Variants in CARS1 observed in about 807,000 individuals in gnomAD.
CARS1 encodes cysteinyl-tRNA synthetase 1.
In CARS1, 48 loss-of-function variants were observed where a neutral mutation model predicts 106.2. The ratio of observed to expected loss-of-function variants is 0.45; its 90% CI spans 0.36 to 0.57. The LOEUF is 0.57. CARS1 is among the 20% of genes least tolerant of loss of function. The pLI is 0.00. For synonymous variants in CARS1, 409 were observed against 403.4 expected (o/e 1.01, Z -0.17); for missense variants, 968 against 1,057.2 (o/e 0.92, Z 1.17).
chr11:3,049,880 G>A (rs1029671430), intron 1 of CARS1, among the ~76,000 whole-genome samples: 10 of 152,124 alleles, frequency 6.6e-5, no homozygotes, highest in East Asian at 1.9e-4. Flanking sequence ...AGTGTGTTGC[G>A]GGGGTAACTG....
chr11:3,042,944 G>GAAGT (rs66992821), intron 2 of CARS1, among the ~76,000 whole-genome samples: 121,658 of 151,708 alleles, frequency 0.8, 48,905 homozygotes, highest in East Asian at 0.86. Flanking sequence ...GGACACTGCA[G>GAAGT]GAGTGGCTGG....
At position 3,028,881 on chromosome 11, in the gene CARS1, G is replaced by C; in HGVS notation, c.1031+115C>G. The stretch of plus-strand genomic sequence containing the variant: ...GAAGTCTGCTGGGACTTCTAGCTAC[G>C]CAGCCCCAGAACACCTGCTCCTCTG... On this transcript the variant is annotated intron_variant, in intron 9 of 22. Coordinates refer to ENST00000380525, the MANE Select transcript of CARS1 (RefSeq NM_001014437.3). The surrounding 1 kb of genome is among the most constrained non-coding windows in gnomAD (Gnocchi z 4.4). The C allele has an allele frequency of 1.3e-6, 1 of 752,778 alleles. No homozygotes were observed. The highest frequency in any genetic ancestry group is 2.3e-6 in the Non-Finnish European group (1 of 428,038). 46.6% of individuals were successfully genotyped at this position (752,778 alleles called of 1,614,324 possible).
chr11:3,018,056 C>T, intron 14 of CARS1, 102 bp from the exon 15 acceptor site: 1 of 739,024 alleles, frequency 1.4e-6, no homozygotes, highest in South Asian at 1.7e-5. Flanking sequence ...TGGTAAAAAT[C>T]TGAAAGACCA....
At chr11:3,036,057 T>A (rs773941359) in intron 7 of CARS1, among the ~76,000 whole-genome samples, 1 of 152,230 alleles carries the variant, frequency 6.6e-6, no homozygotes. Context: ...AGGGTGCCTA[T>A]GTGATGGGCT....
chr11:3,032,897 G>A (rs1314303599), intron 7 of CARS1, among the ~76,000 whole-genome samples: 1 of 151,366 alleles, frequency 6.6e-6, no homozygotes, highest in Non-Finnish European at 1.5e-5. Flanking sequence ...GTAAACCACG[G>A]ACTCAGGGTA....
Position 3,017,716 on chromosome 11 carries a change from T to C in CARS1, c.1727+141A>G. The C allele has an allele frequency of 1.6e-6, 1 of 627,374 alleles. No individual in the cohort carries two copies. Among genetic ancestry groups the C allele is most frequent in the Non-Finnish European group, 2.9e-6 (1 of 350,480 alleles). The allele number at this position is 627,374 out of a possible 1,614,324, so 38.9% of individuals were successfully genotyped here. A position where few individuals can be genotyped will look rare whatever the true frequency, so the allele number is the denominator to read the frequency against. ...AGCAGCTCCCATTAGCAGAGCCGCCTATCCTGAATTAATTCTGCACAACGT... is the reference window on the plus strand; with the variant it reads ...AGCAGCTCCCATTAGCAGAGCCGCCCATCCTGAATTAATTCTGCACAACGT... On this transcript the variant is annotated intron_variant, in intron 15 of 22. Transcript: ENST00000380525. This position sits in a 1 kb window ranked among gnomAD's most constrained non-coding sequence, Gnocchi z 4.9.
chr11:3,027,810 C>T (rs1416688699), intron 9 of CARS1: 1 of 454,750 alleles, frequency 2.2e-6, no homozygotes, highest in Non-Finnish European at 4.4e-6. Flanking sequence ...GCCAAGCGGA[C>T]TGTGGTCTAG....
chr11:3,026,843 A>G (rs961748151), intron 9 of CARS1, 46 bp from the exon 10 acceptor site: 1 of 1,583,496 alleles, frequency 6.3e-7, no homozygotes, highest in Non-Finnish European at 8.6e-7. Flanking sequence ...AACAGACCCG[A>G]AAGTGTGTCA....
At chr11:3,007,198 G>C in intron 18 of CARS1, 1 of 573,890 alleles carries the variant, frequency 1.7e-6, no homozygotes, top group Non-Finnish European at 3.1e-6. Context: ...CGTAAGCCCA[G>C]GGGCTGTTCT....
In CARS1 at chr11:3,039,109, C is replaced by T. The variant is rs1854070741; in HGVS notation, c.651+85G>A. On this transcript the variant is annotated intron_variant, in intron 6 of 22. Coordinates refer to ENST00000380525, the MANE Select transcript of CARS1 (RefSeq NM_001014437.3). This position sits in a 1 kb window ranked among gnomAD's most constrained non-coding sequence, Gnocchi z 5.6. The stretch of plus-strand genomic sequence containing the variant: ...ACTTTGTGAAAGCCTGTGAGACTGA[C>T]ACTACCCTAGGGACAGTAGCCTACA... The T allele has an allele frequency of 1.2e-6, 1 of 834,042 alleles. No individual in the cohort carries two copies. The highest frequency in any genetic ancestry group is 1.5e-5 in the South Asian group (1 of 65,630). The allele number at this position is 834,042 out of a possible 1,614,324, so 51.7% of individuals were successfully genotyped here.
At chr11:3,014,286 T>G (rs1276130656) in intron 17 of CARS1, among the ~76,000 whole-genome samples, 1 of 152,192 alleles carries the variant, frequency 6.6e-6, no homozygotes, top group Non-Finnish European at 1.5e-5. Flanking sequence ...GACACTGAGG[T>G]GGTACAAGAT....
chr11:3,029,571 C>G lies in CARS1; in HGVS notation c.802-128G>C. The stretch of plus-strand genomic sequence containing the variant: ...CTGACCTTGACCTGTGAAGAGCCAC[C>G]GTCTCCTAGGGAGACTGTGATGCTT... On this transcript the variant is annotated intron_variant, in intron 7 of 22. Transcript: ENST00000380525. The surrounding 1 kb of genome is among the most constrained non-coding windows in gnomAD (Gnocchi z 5.9). 1.1e-6 allele frequency: 1 copy of G among 940,424 alleles called. No homozygotes were observed. Among genetic ancestry groups the G allele is most frequent in the Non-Finnish European group, 1.6e-6 (1 of 631,342 alleles). 58.3% of individuals were successfully genotyped at this position (940,424 alleles called of 1,614,324 possible). A position where few individuals can be genotyped will look rare whatever the true frequency, so the allele number is the denominator to read the frequency against.
chr11:3,047,524 G>C (rs1855223240), intron 2 of CARS1, among the ~76,000 whole-genome samples: 1 of 152,178 alleles, frequency 6.6e-6, no homozygotes, highest in Non-Finnish European at 1.5e-5. Context: ...CCACACCAGT[G>C]ATGTGAACAT....
rs1415959745 is a variant in CARS1, at chr11:3,001,158, A to G, written c.2452T>C (p.Tyr818His). Residue 818 changes from tyrosine (Y) to histidine (H), a missense_variant, in exon 23 of 23, where the codon TAC (tyrosine) becomes CAC (histidine). By Grantham distance (83) the Tyr-to-His change is moderately conservative. Coordinates refer to ENST00000380525, the MANE Select transcript of CARS1 (RefSeq NM_001014437.3). The stretch of plus-strand genomic sequence containing the variant: ...TGGGCCATCTGCAGATATTCCTTGT[A>G]GAGCTTCTCCTGAGCCTCGAAGAGC... Reference protein sequence around the residue: ...KKLFEAQEKLYKEYLQMAQNG... With the variant: ...KKLFEAQEKLHKEYLQMAQNG... 2.5e-6 allele frequency: 4 copies of G among 1,613,952 alleles called. No individual in the cohort carries two copies. The highest frequency in any genetic ancestry group is 3.4e-6 in the Non-Finnish European group (4 of 1,180,000).
Position 3,017,941 on chromosome 11 carries a change from T to C in CARS1, c.1643A>G (p.Asn548Ser). 6.2e-7 allele frequency: 1 copy of C among 1,612,862 alleles called. No homozygotes were observed. The highest frequency in any genetic ancestry group is 2.2e-5 in the East Asian group (1 of 44,878). Residue 548 changes from asparagine (N) to serine (S), a missense_variant, in exon 15 of 23, where the codon AAT becomes AGT. Asn to Ser is a conservative substitution (Grantham distance 46). Transcript: ENST00000380525. The surrounding 1 kb of genome is among the most constrained non-coding windows in gnomAD (Gnocchi z 4.9). ...YEKFLNEFFLNVKDILRAPVD... is the reference protein window; with the variant it reads ...YEKFLNEFFLSVKDILRAPVD... Reference sequence around the variant, plus strand: ...AGGAGCGCGAAGGATATCTTTCACATTTAAGAAAAACTCCTGAAGTTAGAA... The same window carrying C: ...AGGAGCGCGAAGGATATCTTTCACACTTAAGAAAAACTCCTGAAGTTAGAA...
At position 3,003,837 on chromosome 11, in the gene CARS1, C is replaced by T. The variant is rs1490653523; in HGVS notation, c.2218-1237G>A. On this transcript the variant is annotated intron_variant, in intron 20 of 22. Transcript: ENST00000380525. The surrounding 1 kb of genome is among the most constrained non-coding windows in gnomAD (Gnocchi z 4.8). ...GCAGGACCCCTCCCCCATGGTGCCT[C>T]GGGCCTGGGGATGCCTTCTTGCAGC... Among the ~76,000 whole-genome samples the T allele has an allele frequency of 3.3e-5, 5 of 152,072 alleles. No homozygotes were observed. Among genetic ancestry groups the T allele is most frequent in the Non-Finnish European group, 7.4e-5 (5 of 68,016 alleles).
chr11:3,040,822 T>C lies in CARS1; in HGVS notation c.455+74A>G. On this transcript the variant is annotated intron_variant, in intron 4 of 22. Coordinates refer to ENST00000380525, the MANE Select transcript of CARS1 (RefSeq NM_001014437.3). The surrounding 1 kb of genome is among the most constrained non-coding windows in gnomAD (Gnocchi z 5.8). ...AAGATCTTTGTGGACCTAAGATCGC[T>C]GCTGTGGATCCCAATGGCTCTGACT... 6.6e-7 allele frequency: 1 copy of C among 1,504,394 alleles called. No homozygotes were observed. The highest frequency in any genetic ancestry group is 2.3e-5 in the East Asian group (1 of 44,144). 93.2% of individuals were successfully genotyped at this position (1,504,394 alleles called of 1,614,324 possible). A position where few individuals can be genotyped will look rare whatever the true frequency, so the allele number is the denominator to read the frequency against.
rs928171560 is a variant in CARS1 at position 3,055,048 on chromosome 11, C to G, written c.25+2295G>C. The G allele has an allele frequency of 7.3e-6, 5 of 686,246 alleles. No homozygotes were observed. In the Admixed American group the frequency reaches 8.9e-5, roughly 12 times the overall value. 42.5% of individuals were successfully genotyped at this position (686,246 alleles called of 1,614,324 possible). A position where few individuals can be genotyped will look rare whatever the true frequency, so the allele number is the denominator to read the frequency against. ...AGACCGCAAAGGAAAAGCTGTACACCCAGTGAGATCAGGAAAGAGAAATAG... is the reference window on the plus strand; with the variant it reads ...AGACCGCAAAGGAAAAGCTGTACACGCAGTGAGATCAGGAAAGAGAAATAG... On this transcript the variant is annotated intron_variant, in intron 1 of 22. Transcript: ENST00000380525.
At chr11:3,042,295 G>C (rs1854567124) in intron 2 of CARS1, 39 bp from the exon 3 acceptor site, 5 of 1,505,398 alleles carry the variant, frequency 3.3e-6, no homozygotes, top group Non-Finnish European at 4.6e-6. Flanking sequence ...TCCAGGGGCA[G>C]CACCAGGAAG....
Sources: allele counts gnomAD v4.1 joint callset (sites outside exome capture counted in the v4.1 genomes callset), GRCh38; gene constraint gnomAD v4.1.1; non-coding constraint Gnocchi (gnomAD v3.1); transcripts MANE v1.5; gene names NCBI Gene and HGNC (gene_info 2026-07-23, HGNC 2026-07-21).